Variants in PARD3 observed in about 807,000 individuals in gnomAD.
The protein encoded by PARD3 is par-3 family cell polarity regulator, also known as partitioning defective 3 homolog.
PARD3 carries 75 observed loss-of-function variants against 155.4 expected under a neutral mutation model. The observed-to-expected ratio is 0.48, with a 90% CI of 0.40 to 0.58. PARD3 has a LOEUF of 0.58. Among genes scored for constraint, PARD3 ranks in the 20% least tolerant of loss-of-function variants. PARD3 has a pLI of 0.00. For synonymous variants in PARD3, 576 were observed against 610.5 expected (o/e 0.94, Z 0.83); for missense variants, 1,642 against 1,721.7 (o/e 0.95, Z 0.82).
At chr10:34,358,303 T>C (rs970470516) in intron 14 of PARD3, among the ~76,000 whole-genome samples, 4 of 152,178 alleles carry the variant, frequency 2.6e-5, no homozygotes, top group Non-Finnish European at 5.9e-5. Flanking sequence ...TTTGGGAAAA[T>C]AGATGATCCT....
At chr10:34,736,262 C>A (rs1435410703) in intron 1 of PARD3, among the ~76,000 whole-genome samples, 1 of 151,762 alleles carries the variant, frequency 6.6e-6, no homozygotes, top group Non-Finnish European at 1.5e-5. Context: ...AATCTCCTGA[C>A]CTCATGATCC....
At chr10:34,458,824 G>A (rs1377168762) in intron 4 of PARD3, among the ~76,000 whole-genome samples, 1 of 152,164 alleles carries the variant, frequency 6.6e-6, no homozygotes, top group African/African-American at 2.4e-5. Context: ...TTGCTTTCCT[G>A]CACAGTATTT....
intron 22 of PARD3, among the ~76,000 whole-genome samples, chr10:34,170,652 G>A (rs1429309593): frequency 6.6e-6 from 1 of 152,194 alleles, no homozygotes; most frequent in African/African-American, 2.4e-5. Context: ...ATCCTAGAAG[G>A]AAAGAGGCAG....
At position 34,598,121 on chromosome 10, in the gene PARD3, GA is replaced by G. The variant is rs1248513067; in HGVS notation, c.223-80963del. On this transcript the variant is annotated intron_variant, in intron 2 of 24. Transcript: ENST00000374788. ...GAGCTGAAAAGTATTCCTGAGCTGA[GA>G]ACTGCAGAACGTAGTTAATTATGCA... Among the ~76,000 whole-genome samples, 10 of 152,266 alleles carry G rather than the reference GA, an allele frequency of 6.6e-5. No individual in the cohort carries two copies. The South Asian group carries it at 1.9e-3, about 28-fold the overall frequency.
intron 1 of PARD3, among the ~76,000 whole-genome samples, chr10:34,803,829 T>A (rs537037167): frequency 1.3e-5 from 2 of 152,046 alleles, no homozygotes; most frequent in Middle Eastern, 3.4e-3. Context: ...AAATAAAAAA[T>A]AACAATAATC....
At chr10:34,504,333 T>C (rs2080908403) in intron 3 of PARD3, among the ~76,000 whole-genome samples, 1 of 151,426 alleles carries the variant, frequency 6.6e-6, no homozygotes, top group Admixed American at 6.6e-5. Context: ...ATGGTGCCCA[T>C]GCTGGTCTTG....
chr10:34,718,869 AG>A (rs1330886785), intron 1 of PARD3, among the ~76,000 whole-genome samples: 1 of 152,172 alleles, frequency 6.6e-6, no homozygotes, highest in Non-Finnish European at 1.5e-5. Context: ...AGGCAGAGGC[AG>A]GAGAATTGTT....
chr10:34,723,460 T>C (rs995572547), intron 1 of PARD3, among the ~76,000 whole-genome samples: 2 of 152,196 alleles, frequency 1.3e-5, no homozygotes, highest in African/African-American at 4.8e-5. Flanking sequence ...TCTGATTGCT[T>C]TTTTCCTTAA....
rs200507463 is a variant in PARD3 at position 34,341,726 on chromosome 10, A to G, written c.2309T>C (p.Leu770Pro). The G allele has an allele frequency of 3.7e-6, 6 of 1,613,938 alleles. No homozygotes were observed. The highest frequency in any genetic ancestry group is 1.7e-4 in the Middle Eastern group (1 of 6,060). The change falls in exon 16 of 25, where the codon CTC (leucine) becomes CCC (proline). Residue 770 changes from leucine (L) to proline (P), a missense_variant. Physicochemically the swap from Leu to Pro is moderately conservative, Grantham distance 98. Coordinates refer to ENST00000374788, the MANE Select transcript of PARD3 (RefSeq NM_001184785.2). ...GGAGCTGGAAGAGGACTGGTCAGAG[A>G]GATGTGGAGGAAGCACTGGCAACCT... The part of the protein sequence containing the change: ...DDRLPVLPPH[L>P]SDQSSSSSHD...
chr10:34,254,570 GTGTGTGTGTA>G (rs760115664), intron 22 of PARD3, among the ~76,000 whole-genome samples: 4 of 118,786 alleles, frequency 3.4e-5, no homozygotes, highest in African/African-American at 1.3e-4. Flanking sequence ...GTGTGTGTGT[GTGTGTGTGTA>G]TAAAAATTTA....
intron 1 of PARD3, among the ~76,000 whole-genome samples, chr10:34,717,772 C>A (rs1472436978): frequency 6.6e-6 from 1 of 152,200 alleles, no homozygotes; most frequent in African/African-American, 2.4e-5. Context: ...AATTAAGAAC[C>A]AAACACCCAG....
At chr10:34,303,026 T>A (rs1957224465) in intron 20 of PARD3, among the ~76,000 whole-genome samples, 1 of 150,554 alleles carries the variant, frequency 6.6e-6, no homozygotes, top group Non-Finnish European at 1.5e-5. Flanking sequence ...TGGTTTTACC[T>A]CTCAATTACT....
chr10:34,136,434 T>A (rs1020220449), intron 22 of PARD3, among the ~76,000 whole-genome samples: 1 of 152,174 alleles, frequency 6.6e-6, no homozygotes, highest in African/African-American at 2.4e-5. Context: ...GCAAAAGGAA[T>A]CTGGAAACCT....
chr10:34,708,730 T>C (rs1214464313), intron 1 of PARD3, among the ~76,000 whole-genome samples: 1 of 152,086 alleles, frequency 6.6e-6, no homozygotes, highest in East Asian at 1.9e-4. Flanking sequence ...ACCTGGGGAC[T>C]TTTCTAGATC....
At chr10:34,319,302 T>C (rs909101974) in intron 19 of PARD3, among the ~76,000 whole-genome samples, 1 of 151,424 alleles carries the variant, frequency 6.6e-6, no homozygotes, top group African/African-American at 2.4e-5. Context: ...TTGGCCAGGA[T>C]GGTCTCGATC....
At chr10:34,618,061 A>C (rs1767189224) in intron 2 of PARD3, among the ~76,000 whole-genome samples, 1 of 152,202 alleles carries the variant, frequency 6.6e-6, no homozygotes, top group Non-Finnish European at 1.5e-5. Flanking sequence ...CAAAACTATG[A>C]CCTTTCTAAA....
chr10:34,662,529 T>G (rs779888835), intron 2 of PARD3, among the ~76,000 whole-genome samples: 8 of 152,008 alleles, frequency 5.3e-5, no homozygotes, highest in Non-Finnish European at 1.2e-4. Flanking sequence ...GATGAATGAA[T>G]AAAGAAAATC....
At position 34,401,893 on chromosome 10, in the gene PARD3, T is replaced by C. The variant is rs1313182898; in HGVS notation, c.739A>G (p.Asn247Asp). ...TGTCCAACAGGTTCAACACGACTGT[T>C]ATCCTCTTCTGTCCCATCCTCATCC... ...EQDEDGTEED[N>D]SRVEPVGHAD... is the part of the protein sequence containing the mutation. The change falls in exon 6 of 25, where the codon AAC becomes GAC. Residue 247 changes from asparagine (N) to aspartate (D), a missense_variant. Coordinates refer to ENST00000374788, the MANE Select transcript of PARD3 (RefSeq NM_001184785.2). 2 of 1,613,614 alleles carry C rather than the reference T, an allele frequency of 1.2e-6. No individual in the cohort carries two copies. The highest frequency in any genetic ancestry group is 2.2e-5 in the East Asian group (1 of 44,868).
intron 4 of PARD3, among the ~76,000 whole-genome samples, chr10:34,461,683 A>C (rs2077663459): frequency 6.6e-6 from 1 of 152,220 alleles, no homozygotes; most frequent in Admixed American, 6.5e-5. Context: ...TATATAGACT[A>C]CGCAAAATTT....
Sources: allele counts gnomAD v4.1 joint callset (sites outside exome capture counted in the v4.1 genomes callset), GRCh38; gene constraint gnomAD v4.1.1; transcripts MANE v1.5; gene names NCBI Gene and HGNC (gene_info 2026-07-23, HGNC 2026-07-21).